The following FAR2 variants were observed in gnomAD, a reference collection of about 807,000 sequenced individuals.
FAR2 encodes the protein epididymis secretory protein Li 81.
In FAR2, 19 loss-of-function variants were observed where a neutral mutation model predicts 56.0. That is an observed-to-expected ratio of 0.34 (90% CI 0.24 to 0.50). The LOEUF (loss-of-function observed/expected upper bound fraction) is 0.50, where lower values mean the gene tolerates loss of function less well. FAR2 is among the 20% of genes least tolerant of loss of function. FAR2 has a pLI of 0.98. For synonymous variants in FAR2, 219 were observed against 218.8 expected, an observed-to-expected ratio of 1.00 and a Z score of -0.01; for missense variants, 508 against 642.2, an observed-to-expected ratio of 0.79 and a Z score of 2.26.
chr12:29,296,778 G>T (rs1043958168), intron 3 of FAR2, among the ~76,000 whole-genome samples: 1 of 152,100 alleles, frequency 6.6e-6, no homozygotes, highest in African/African-American at 2.4e-5. Context: ...AGAACCAATT[G>T]TCCTCTAGAT....
intron 1 of FAR2, among the ~76,000 whole-genome samples, chr12:29,206,400 G>T (rs1158804497): frequency 2.0e-5 from 3 of 152,350 alleles, no homozygotes; most frequent in Non-Finnish European, 4.4e-5. Context: ...AAATGTTCCA[G>T]ATGCTGGCAT....
chr12:29,311,710 T>C (rs1396437767), intron 7 of FAR2, among the ~76,000 whole-genome samples, 173 bp from the exon 8 acceptor site: 1 of 146,480 alleles, frequency 6.8e-6, no homozygotes, highest in African/African-American at 2.6e-5. Flanking sequence ...TTCCTAGTCT[T>C]CTTCCATTTT....
intron 9 of FAR2, among the ~76,000 whole-genome samples, chr12:29,321,088 GTTT>G (rs71444327): frequency 6.9e-6 from 1 of 145,476 alleles, no homozygotes. Flanking sequence ...TCAACAAGAA[GTTT>G]TTTTTTTTTT....
chr12:29,190,667 G>C (rs1950095902), intron 1 of FAR2, among the ~76,000 whole-genome samples: 1 of 151,940 alleles, frequency 6.6e-6, no homozygotes, highest in African/African-American at 2.4e-5. Context: ...TTTTCACTGT[G>C]TTAGCCAGGA....
At chr12:29,173,007 C>G (rs1050325040) in intron 1 of FAR2, among the ~76,000 whole-genome samples, 15 of 152,140 alleles carry the variant, frequency 9.9e-5, no homozygotes, top group African/African-American at 3.6e-4. Context: ...CCAGGTATCT[C>G]CAAACTCTCA....
intron 10 of FAR2, among the ~76,000 whole-genome samples, chr12:29,325,120 C>A (rs908208054): frequency 3.9e-5 from 6 of 152,046 alleles, no homozygotes; most frequent in Non-Finnish European, 7.4e-5. Context: ...ATAAAACAGA[C>A]TTTAAACCAA....
At chr12:29,291,851 G>A (rs994491359) in intron 2 of FAR2, among the ~76,000 whole-genome samples, 2 of 152,322 alleles carry the variant, frequency 1.3e-5, no homozygotes, top group Non-Finnish European at 2.9e-5. Flanking sequence ...CAAGGCTAAT[G>A]TAGTAAAATG....
chr12:29,299,856 T>G (rs1949133498), intron 4 of FAR2, among the ~76,000 whole-genome samples: 1 of 152,178 alleles, frequency 6.6e-6, no homozygotes, highest in Non-Finnish European at 1.5e-5. Context: ...TAATTCTTAC[T>G]CAGATATCAA....
At chr12:29,171,938 G>A (rs1949891000) in intron 1 of FAR2, 1 of 152,490 alleles carries the variant, frequency 6.6e-6, no homozygotes, top group African/African-American at 2.4e-5. Flanking sequence ...AACCATCTGG[G>A]AAGTAAGGAG....
chr12:29,235,698 A>G (rs1947929532), intron 1 of FAR2, among the ~76,000 whole-genome samples: 1 of 152,086 alleles, frequency 6.6e-6, no homozygotes, highest in Admixed American at 6.6e-5. Flanking sequence ...CACCAGCATT[A>G]CTGATCACCT....
At chr12:29,171,506 A>C (rs1020245237) in intron 1 of FAR2, 1 of 144,110 alleles carries the variant, frequency 6.9e-6, no homozygotes, top group Non-Finnish European at 1.5e-5. Context: ...CCATCTGGGA[A>C]GTGTGGAGCG....
chr12:29,154,249 G>T (rs1346724802), intron 1 of FAR2, among the ~76,000 whole-genome samples: 1 of 152,044 alleles, frequency 6.6e-6, no homozygotes, highest in Non-Finnish European at 1.5e-5. Context: ...TTAAAACCCT[G>T]TCATTCCTCT....
At chr12:29,214,982 A>G (rs796926441) in intron 1 of FAR2, among the ~76,000 whole-genome samples, 25 of 152,304 alleles carry the variant, frequency 1.6e-4, no homozygotes, top group African/African-American at 5.3e-4. Flanking sequence ...TGAGACCTGA[A>G]TGTAATAAAA....
At chr12:29,319,763 A>C (rs1949521633) in intron 9 of FAR2, among the ~76,000 whole-genome samples, 1 of 152,222 alleles carries the variant, frequency 6.6e-6, no homozygotes, top group Non-Finnish European at 1.5e-5. Flanking sequence ...TAAAATGGGC[A>C]CAGTAATCGT....
At chr12:29,187,019 G>A (rs1361740561) in intron 1 of FAR2, among the ~76,000 whole-genome samples, 2 of 151,834 alleles carry the variant, frequency 1.3e-5, no homozygotes, top group Admixed American at 6.6e-5. Flanking sequence ...CGATCTCCTG[G>A]CCTCGTGATC....
intron 1 of FAR2, among the ~76,000 whole-genome samples, chr12:29,262,420 C>G (rs1948435684): frequency 6.6e-6 from 1 of 152,136 alleles, no homozygotes; most frequent in African/African-American, 2.4e-5. Flanking sequence ...CACCTGAGAT[C>G]AGGAGTTCGA....
At chr12:29,332,038 TCCC>T (rs1342775560) in intron 10 of FAR2, 1 of 153,922 alleles carries the variant, frequency 6.5e-6, no homozygotes, top group Non-Finnish European at 1.4e-5. Context: ...TCCCTACTCC[TCCC>T]CCATGTTGTG....
rs1470653467 is a variant in FAR2, at chr12:29,333,654, T to G, written c.1408T>G (p.Phe470Val). 5 of 1,613,670 alleles carry G rather than the reference T, an allele frequency of 3.1e-6. No homozygotes were observed. In the South Asian group the frequency reaches 5.5e-5, roughly 18 times the overall value. The change falls in exon 12 of 12, where the codon TTT becomes GTT. Residue 470 changes from phenylalanine (F) to valine (V), a missense_variant. Phe to Val is a conservative substitution (Grantham distance 50). Transcript: ENST00000536681. ...LKRLRNIHYL[F>V]NTALFLIAWR... ...TAGGCTCCGAAATATTCACTACCTC[T>G]TTAATACTGCCCTCTTCCTTATCGC... is the stretch of plus-strand genomic sequence containing the variant.
chr12:29,191,930 G>T (rs1032804785), intron 1 of FAR2, among the ~76,000 whole-genome samples: 8 of 152,196 alleles, frequency 5.3e-5, no homozygotes, highest in African/African-American at 1.9e-4. Context: ...TCAAGGCAAG[G>T]TAACAAATTC....
Sources: gnomAD v4.1 joint callset for allele counts (sites outside exome capture counted in the v4.1 genomes callset) on GRCh38, gnomAD v4.1.1 for gene constraint, MANE v1.5 for transcripts, NCBI Gene and HGNC (gene_info 2026-07-23, HGNC 2026-07-21) for gene names.